Variants in MAP2K3 observed in about 807,000 individuals in gnomAD.
The protein encoded by MAP2K3 is mitogen-activated protein kinase kinase 3.
Under a neutral mutation model 46.4 loss-of-function variants are expected in MAP2K3, and 30 were observed. The observed-to-expected ratio is 0.65, with a 90% CI of 0.48 to 0.88. The LOEUF (loss-of-function observed/expected upper bound fraction) is 0.88. MAP2K3 is among the 40% of genes least tolerant of loss of function. The probability of loss-of-function intolerance (pLI) is 0.00; values close to 1 mark genes in which losing one functional copy is unlikely to be tolerated. For missense variants in MAP2K3, 380 were observed against 464.5 expected (o/e 0.82, Z 1.67); for synonymous variants, 189 against 176.3 (o/e 1.07, Z -0.57).
rs1223292908 is a variant in MAP2K3 at position 21,305,044 on chromosome 17, C to T, written c.697-7C>T. The T allele has an allele frequency of 6.2e-7, 1 of 1,614,316 alleles. No individual in the cohort carries two copies. Among genetic ancestry groups the T allele is most frequent in the South Asian group, 1.1e-5 (1 of 91,092 alleles). The stretch of plus-strand genomic sequence containing the variant: ...GGGTGTTCACGCCTCACTCTTCCCT[C>T]CTGCAGCCTGAGAGGATCAACCCAG... On this transcript the variant is annotated splice_polypyrimidine_tract_variant and splice_region_variant and intron_variant, in intron 8 of 11. Transcript: ENST00000342679.
intron 1 of MAP2K3, among the ~76,000 whole-genome samples, chr17:21,293,444 C>A (rs1427093003): frequency 7.2e-5 from 11 of 152,310 alleles, no homozygotes; most frequent in South Asian, 2.1e-4. Context: ...GGCGGGAGGA[C>A]CCTCTGGCAG....
At chr17:21,298,501 C>A in intron 2 of MAP2K3, 22 bp downstream of exon 2, 1 of 1,614,312 alleles carries the variant, frequency 6.2e-7, no homozygotes, top group South Asian at 1.1e-5. Flanking sequence ...TCAGTTTCTC[C>A]CTGGCTCACC....
At position 21,298,423 on chromosome 17, in the gene MAP2K3, G is replaced by A. The variant is rs779307796; in HGVS notation, c.60G>A (p.Lys20=). 4.3e-6 allele frequency: 7 copies of A among 1,614,306 alleles called. No individual in the cohort carries two copies. Among genetic ancestry groups the A allele is most frequent in the Non-Finnish European group, 5.9e-6 (7 of 1,180,052 alleles). ...ASMPQSKGKS[K]RKKDLRISCM... is the part of the protein sequence containing the mutation. Reference sequence around the variant, plus strand: ...TTCTCTCCATTCTAGGAAAATCCAAGAGGAAGAAGGATCTACGGATATCCT... The same window carrying A: ...TTCTCTCCATTCTAGGAAAATCCAAAAGGAAGAAGGATCTACGGATATCCT... The change falls in exon 2 of 12, where the codon AAG becomes AAA. Residue 20 remains lysine (K), a synonymous_variant. Coordinates refer to ENST00000342679, the MANE Select transcript of MAP2K3 (RefSeq NM_145109.3).
intron 3 of MAP2K3, among the ~76,000 whole-genome samples, chr17:21,299,648 C>T (rs1473211754): frequency 1.3e-5 from 2 of 148,268 alleles, no homozygotes; most frequent in African/African-American, 2.5e-5. Context: ...TACCACTGCC[C>T]TCCAGCTTGG....
intron 1 of MAP2K3, among the ~76,000 whole-genome samples, chr17:21,296,828 C>T (rs1268445452): frequency 6.6e-6 from 1 of 152,312 alleles, no homozygotes; most frequent in Non-Finnish European, 1.5e-5. Context: ...ACGCTGCGCA[C>T]AGGAGTAGTG....
chr17:21,284,881 C>T lies in MAP2K3; in HGVS notation c.-40C>T. On this transcript the variant is annotated 5_prime_UTR_variant, in exon 1 of 12. Coordinates refer to ENST00000342679, the MANE Select transcript of MAP2K3 (RefSeq NM_145109.3). ...CGGCCCCGGTGGAGCCCGCAGTCCT[C>T]TAGATTAGTCTCCACCGCCGTCCAG... 6.2e-7 allele frequency: 1 copy of T among 1,609,092 alleles called. No homozygotes were observed. The highest frequency in any genetic ancestry group is 1.3e-5 in the African/African-American group (1 of 74,982).
At chr17:21,292,618 G>A (rs1976006798) in intron 1 of MAP2K3, among the ~76,000 whole-genome samples, 2 of 152,304 alleles carry the variant, frequency 1.3e-5, no homozygotes, top group South Asian at 4.1e-4. Context: ...ACCCACCTTG[G>A]CCTCCCAAAG....
rs763561159 is a variant in MAP2K3, at chr17:21,303,189, CG to C, written c.526del (p.Ala176ProfsTer11). 8.7e-6 allele frequency: 14 copies of C among 1,614,090 alleles called. No homozygotes were observed. Among genetic ancestry groups the C allele is most frequent in the Non-Finnish European group, 1.2e-5 (14 of 1,180,038 alleles). The stretch of plus-strand genomic sequence containing the variant: ...CTCCCCACCCCACCGCCAGATCGTG[CG>C]GGCCCTGGAGCATCTGCACAGCAAG... ...ILGEIAVSIV[R>X]ALEHLHSKLS... is the part of the protein sequence containing the mutation. On this transcript the variant is annotated frameshift_variant, in exon 7 of 12. Transcript: ENST00000342679. LOFTEE classifies it high-confidence loss of function.
At chr17:21,295,964 T>G (rs999980389) in intron 1 of MAP2K3, 11 of 1,258,290 alleles carry the variant, frequency 8.7e-6, no homozygotes, top group Middle Eastern at 2.2e-4. Context: ...AGGGTCTCTG[T>G]GCAGAGCTTT....
intron 1 of MAP2K3, among the ~76,000 whole-genome samples, chr17:21,292,161 G>GTA (rs1248746990): frequency 6.6e-6 from 1 of 152,308 alleles, no homozygotes; most frequent in Admixed American, 6.5e-5. Context: ...TGAGCAGCCT[G>GTA]CTGCGGGGGC....
chr17:21,313,256 T>C (rs1597508171), intron 10 of MAP2K3, among the ~76,000 whole-genome samples: 1 of 152,172 alleles, frequency 6.6e-6, no homozygotes, highest in Admixed American at 6.5e-5. Flanking sequence ...TAGGTCACTA[T>C]GCAGACAAGA....
At chr17:21,310,705 G>A (rs1977120827) in intron 9 of MAP2K3, among the ~76,000 whole-genome samples, 1 of 152,252 alleles carries the variant, frequency 6.6e-6, no homozygotes. Context: ...GAGTCACAGG[G>A]GTGCGACTAC....
intron 3 of MAP2K3, among the ~76,000 whole-genome samples, chr17:21,299,495 C>A (rs977850093): frequency 6.6e-6 from 1 of 152,300 alleles, no homozygotes; most frequent in Non-Finnish European, 1.5e-5. Context: ...CAGGCCTGGG[C>A]AACATGGCGA....
At chr17:21,288,193 G>A (rs1446895757) in intron 1 of MAP2K3, 15 of 926,750 alleles carry the variant, frequency 1.6e-5, no homozygotes, top group Non-Finnish European at 2.1e-5. Context: ...GGTGGGGAGG[G>A]GGTTACGTGT....
At chr17:21,306,489 G>C (rs1365258220) in intron 9 of MAP2K3, among the ~76,000 whole-genome samples, 5 of 152,278 alleles carry the variant, frequency 3.3e-5, no homozygotes, top group African/African-American at 1.2e-4. Flanking sequence ...CAAGCTCATG[G>C]AATTTTGTTG....
chr17:21,298,429 G>C lies in MAP2K3; in HGVS notation c.66G>C (p.Lys22Asn). The change falls in exon 2 of 12, where the codon AAG becomes AAC. Residue 22 changes from lysine (K) to asparagine (N), a missense_variant. This residue lies in a region of MAP2K3 where 294 missense variants were observed against 275.4 expected (regional missense o/e 1.07). Transcript: ENST00000342679. ...CCATTCTAGGAAAATCCAAGAGGAAGAAGGATCTACGGATATCCTGCATGT... is the reference window on the plus strand; with the variant it reads ...CCATTCTAGGAAAATCCAAGAGGAACAAGGATCTACGGATATCCTGCATGT... ...MPQSKGKSKR[K>N]KDLRISCMSK... The C allele has an allele frequency of 6.2e-7, 1 of 1,614,314 alleles. No individual in the cohort carries two copies.
intron 5 of MAP2K3, among the ~76,000 whole-genome samples, chr17:21,301,436 G>A (rs915463440): frequency 1.3e-5 from 2 of 152,424 alleles, no homozygotes; most frequent in East Asian, 1.9e-4. Context: ...CTGGAAGAGT[G>A]GAGCTGCCTT....
chr17:21,300,107 C>G (rs1166733669), intron 3 of MAP2K3, among the ~76,000 whole-genome samples: 43 of 152,408 alleles, frequency 2.8e-4, no homozygotes, highest in African/African-American at 9.6e-4. Flanking sequence ...GTGTCCCTCC[C>G]AAGAGAGGGA....
chr17:21,292,741 C>A (rs1359721576), intron 1 of MAP2K3, among the ~76,000 whole-genome samples: 1 of 152,312 alleles, frequency 6.6e-6, no homozygotes, highest in African/African-American at 2.4e-5. Flanking sequence ...TCTGCCTTGG[C>A]CTCCCAAAGT....
Sources: allele counts gnomAD v4.1 joint callset (sites outside exome capture counted in the v4.1 genomes callset), GRCh38; gene constraint gnomAD v4.1.1; regional missense constraint gnomAD v4.1.1; transcripts MANE v1.5; gene names NCBI Gene and HGNC (gene_info 2026-07-23, HGNC 2026-07-21).